Variants in ASIC2 observed in about 807,000 individuals in gnomAD.
The protein encoded by ASIC2 is acid sensing ion channel subunit 2, also known as acid-sensing ion channel 2.
Under a neutral mutation model 57.3 loss-of-function variants are expected in ASIC2, and 25 were observed. That is an observed-to-expected ratio of 0.44 (90% CI 0.32 to 0.61). The LOEUF is 0.61. Ranked by LOEUF, ASIC2 falls within the 20% of genes least tolerant of loss-of-function variation. The pLI, the probability that ASIC2 is intolerant of heterozygous loss-of-function variation, is 0.06. For missense variants in ASIC2, 641 were observed against 738.1 expected, an observed-to-expected ratio of 0.87 and a Z score of 1.52; for synonymous variants, 319 against 307.5, an observed-to-expected ratio of 1.04 and a Z score of -0.39.
At chr17:34,045,680 A>T (rs991358256) in intron 1 of ASIC2, among the ~76,000 whole-genome samples, 1 of 152,210 alleles carries the variant, frequency 6.6e-6, no homozygotes, top group Non-Finnish European at 1.5e-5. Context: ...GTGAGGCCTT[A>T]AGGGTCATAA....
At chr17:34,152,520 C>G (rs182257482) in intron 1 of ASIC2, among the ~76,000 whole-genome samples, 1 of 152,188 alleles carries the variant, frequency 6.6e-6, no homozygotes. Context: ...CCACCTCTCC[C>G]TCCCTGGTTT....
At chr17:33,271,793 G>T (rs1036920289) in intron 1 of ASIC2, among the ~76,000 whole-genome samples, 8 of 152,216 alleles carry the variant, frequency 5.3e-5, no homozygotes, top group African/African-American at 1.9e-4. Flanking sequence ...AAGTCAGAAT[G>T]ATATTCTTGC....
chr17:33,731,631 C>T (rs368168536), intron 1 of ASIC2, among the ~76,000 whole-genome samples: 4 of 152,286 alleles, frequency 2.6e-5, no homozygotes, highest in African/African-American at 7.2e-5. Flanking sequence ...CACTAAACCC[C>T]CTTGGGACTT....
At chr17:34,095,868 A>G (rs1465066567) in intron 1 of ASIC2, among the ~76,000 whole-genome samples, 2 of 151,380 alleles carry the variant, frequency 1.3e-5, no homozygotes, top group Non-Finnish European at 2.9e-5. Flanking sequence ...TTTTATAAAC[A>G]CCTACTATGT....
At chr17:34,139,856 C>T (rs1159540275) in intron 1 of ASIC2, among the ~76,000 whole-genome samples, 1 of 152,090 alleles carries the variant, frequency 6.6e-6, no homozygotes, top group Non-Finnish European at 1.5e-5. Flanking sequence ...GCCTTGAATG[C>T]ACTTAATACC....
At chr17:33,691,822 CAT>C (rs141935645) in intron 1 of ASIC2, among the ~76,000 whole-genome samples, 7,097 of 152,092 alleles carry the variant, frequency 0.047, 518 homozygotes, top group African/African-American at 0.16. Context: ...TATATGCATG[CAT>C]GTGTGTGTGT....
At chr17:33,646,612 T>C (rs1328853567) in intron 1 of ASIC2, among the ~76,000 whole-genome samples, 1 of 152,206 alleles carries the variant, frequency 6.6e-6, no homozygotes, top group African/African-American at 2.4e-5. Context: ...CTTAGTTTCT[T>C]TGAATTCCAG....
chr17:33,685,288 G>A (rs1329028544), intron 1 of ASIC2, among the ~76,000 whole-genome samples: 3 of 152,214 alleles, frequency 2.0e-5, no homozygotes, highest in Admixed American at 2.0e-4. Context: ...ACCATGCCCT[G>A]CTCCCACACC....
At chr17:33,862,025 A>G (rs1352231003) in intron 1 of ASIC2, among the ~76,000 whole-genome samples, 3 of 152,194 alleles carry the variant, frequency 2.0e-5, no homozygotes, top group African/African-American at 7.2e-5. Context: ...GCACCACGAT[A>G]CTGTCTGCTC....
chr17:33,208,077 A>G (rs887599135), intron 1 of ASIC2, among the ~76,000 whole-genome samples: 1 of 152,192 alleles, frequency 6.6e-6, no homozygotes, highest in African/African-American at 2.4e-5. Flanking sequence ...GGATGAGTGA[A>G]TGGAGAAGTG....
Position 33,110,584 on chromosome 17 carries a change from G to A in ASIC2, c.859+1333C>T, listed in dbSNP as rs147583002. ...CAGTTGGAGGAGCAGAGGACTGGCT[G>A]TGATGGGAGGTAAATGGCCACACTC... On this transcript the variant is annotated intron_variant, in intron 2 of 9. Coordinates refer to ENST00000225823, the MANE Select transcript of ASIC2 (RefSeq NM_183377.2). Among the ~76,000 whole-genome samples the A allele has an allele frequency of 3.0e-3, 453 of 152,326 alleles. 1 individual carries two copies. The highest frequency in any genetic ancestry group is 0.011 in the African/African-American group (441 of 41,568).
intron 1 of ASIC2, among the ~76,000 whole-genome samples, chr17:33,281,481 T>C (rs1904945606): frequency 6.6e-6 from 1 of 152,244 alleles, no homozygotes; most frequent in African/African-American, 2.4e-5. Context: ...ACACTAAACA[T>C]TTATCCACAA....
chr17:34,095,408 AAATT>A (rs1409766062), intron 1 of ASIC2, among the ~76,000 whole-genome samples: 1 of 152,022 alleles, frequency 6.6e-6, no homozygotes, highest in Non-Finnish European at 1.5e-5. Context: ...GTTGATAAAT[AAATT>A]CTTTTTCTCC....
intron 1 of ASIC2, among the ~76,000 whole-genome samples, chr17:33,503,405 G>T (rs1477651129): frequency 6.6e-6 from 1 of 152,148 alleles, no homozygotes; most frequent in East Asian, 1.9e-4. Flanking sequence ...CTGATGTCAG[G>T]TAAGTCCTCT....
chr17:33,109,453 A>G (rs750013262), intron 2 of ASIC2, among the ~76,000 whole-genome samples: 3 of 152,126 alleles, frequency 2.0e-5, no homozygotes, highest in Non-Finnish European at 4.4e-5. Flanking sequence ...CCCGTTCTTC[A>G]TACAGCCTGC....
rs529243637 is a variant in ASIC2, at chr17:33,217,054, C to A, written c.708+74354G>T. ...TCCCAGTGACTGTCAGAATATTTGT[C>A]ATTGCTAATTTATGTGTTTTTGCTG... is the stretch of plus-strand genomic sequence containing the variant. On this transcript the variant is annotated intron_variant, in intron 1 of 9. Transcript: ENST00000225823. Among the ~76,000 whole-genome samples the A allele has an allele frequency of 1.9e-4, 29 of 152,292 alleles. No individual in the cohort carries two copies. In the South Asian group the frequency reaches 6.0e-3, roughly 32 times the overall value.
At chr17:33,931,140 A>G (rs1915922738) in intron 1 of ASIC2, 1 of 152,130 alleles carries the variant, frequency 6.6e-6, no homozygotes, top group Non-Finnish European at 1.5e-5. Flanking sequence ...TTGTGGAAGG[A>G]AAGGGCTTTA....
intron 8 of ASIC2, 57 bp from the exon 9 acceptor site, chr17:33,016,096 G>A: frequency 6.4e-7 from 1 of 1,567,894 alleles, no homozygotes; most frequent in Non-Finnish European, 8.8e-7. Flanking sequence ...AGAGGCAGAA[G>A]GGACCTCCCT....
At chr17:33,899,430 G>A (rs1597922082) in intron 1 of ASIC2, among the ~76,000 whole-genome samples, 1 of 152,236 alleles carries the variant, frequency 6.6e-6, no homozygotes, top group East Asian at 1.9e-4. Flanking sequence ...CAATTTTGAT[G>A]AGTATTGGTC....
Sources: allele counts gnomAD v4.1 joint callset (sites outside exome capture counted in the v4.1 genomes callset), GRCh38; gene constraint gnomAD v4.1.1; transcripts MANE v1.5; gene names NCBI Gene and HGNC (gene_info 2026-07-23, HGNC 2026-07-21).